MYO16: variants seen among roughly 807,000 people sequenced by gnomAD.
The protein encoded by MYO16 is unconventional myosin-XVI.
MYO16 carries 94 observed loss-of-function variants against 205.3 expected under a neutral mutation model. The observed-to-expected ratio is 0.46, with a 90% confidence interval of 0.39 to 0.54. The LOEUF is 0.54. Ranked by LOEUF, MYO16 falls within the 20% of genes least tolerant of loss-of-function variation. The pLI is 0.00. For synonymous variants in MYO16, 988 were observed against 954.0 expected (o/e 1.04, Z -0.66); for missense variants, 2,315 against 2,387.5 (o/e 0.97, Z 0.63).
At chr13:108,941,657 A>ACAGAG (rs1882727503) in intron 16 of MYO16, among the ~76,000 whole-genome samples, 3 of 148,246 alleles carry the variant, frequency 2.0e-5, no homozygotes, top group African/African-American at 7.6e-5. Flanking sequence ...AGCCTAGGCG[A>ACAGAG]CAGAGCAAGA....
chr13:109,140,148 G>C lies in MYO16; in HGVS notation c.4052-116G>C. 1 of 1,488,240 alleles carries C rather than the reference G, an allele frequency of 6.7e-7. No homozygotes were observed. The highest frequency in any genetic ancestry group is 8.9e-7 in the Non-Finnish European group (1 of 1,129,624). 92.2% of individuals were successfully genotyped at this position (1,488,240 alleles called of 1,614,324 possible). On this transcript the variant is annotated intron_variant, in intron 31 of 34. Transcript: ENST00000457511. This position sits in a 1 kb window ranked among gnomAD's most constrained non-coding sequence, Gnocchi z 8.0. The stretch of plus-strand genomic sequence containing the variant: ...GTGGGTGGAGGAACATGCAGGCCCG[G>C]TCCCTTGGGATTCTCGGGGCACGGG...
intron 1 of MYO16, among the ~76,000 whole-genome samples, chr13:108,640,687 A>C (rs1158476356): frequency 6.6e-6 from 1 of 152,032 alleles, no homozygotes; most frequent in Non-Finnish European, 1.5e-5. Context: ...GTATTTACAG[A>C]GTGAACCAAA....
At chr13:108,942,081 TC>T (rs1194642360) in intron 16 of MYO16, among the ~76,000 whole-genome samples, 6 of 152,320 alleles carry the variant, frequency 3.9e-5, no homozygotes, top group African/African-American at 1.4e-4. Flanking sequence ...ATTCTGCACT[TC>T]CAGAGAATAC....
chr13:108,561,387 C>T, the MYO16 span, among the ~76,000 whole-genome samples: 1 of 152,226 alleles, frequency 6.6e-6, no homozygotes, highest in South Asian at 2.1e-4. Flanking sequence ...CAGATCCTGG[C>T]AAAACCCTTG....
the MYO16 span, among the ~76,000 whole-genome samples, chr13:108,586,020 C>A: frequency 6.6e-6 from 1 of 151,968 alleles, no homozygotes; most frequent in South Asian, 2.1e-4. Context: ...AATAAGTTAC[C>A]ATATAAATGT....
chr13:109,040,381 CACACAG>C (rs1886843778), intron 23 of MYO16, among the ~76,000 whole-genome samples: 2 of 72,478 alleles, frequency 2.8e-5, no homozygotes, highest in Non-Finnish European at 5.5e-5. Flanking sequence ...CACACACACA[CACACAG>C]AGAGAGAGAG....
At chr13:108,932,582 C>T (rs2139294369) in intron 16 of MYO16, among the ~76,000 whole-genome samples, 3 of 152,282 alleles carry the variant, frequency 2.0e-5, no homozygotes, top group African/African-American at 7.2e-5. Flanking sequence ...TATGTTGAAA[C>T]CTCTCAAACC....
chr13:108,888,876 G>A (rs1037683902), intron 14 of MYO16, among the ~76,000 whole-genome samples: 1 of 152,032 alleles, frequency 6.6e-6, no homozygotes, highest in Non-Finnish European at 1.5e-5. Flanking sequence ...CCAACATTGT[G>A]AAACCTCGTC....
At chr13:108,615,628 A>G (rs980804340) in intron 1 of MYO16, among the ~76,000 whole-genome samples, 2 of 152,172 alleles carry the variant, frequency 1.3e-5, no homozygotes, top group Admixed American at 6.5e-5. Context: ...ATAAAAAGGA[A>G]GGACATATTG....
chr13:109,047,923 T>G (rs541166060), intron 24 of MYO16, among the ~76,000 whole-genome samples: 1 of 152,206 alleles, frequency 6.6e-6, no homozygotes, highest in South Asian at 2.1e-4. Flanking sequence ...AGAACTTATG[T>G]TTATTGTGAG....
At chr13:108,695,198 A>G (rs1883043610) in intron 2 of MYO16, among the ~76,000 whole-genome samples, 1 of 152,200 alleles carries the variant, frequency 6.6e-6, no homozygotes, top group African/African-American at 2.4e-5. Flanking sequence ...TTAGTTTTAT[A>G]TATGTTGTGA....
chr13:108,579,906 G>A, the MYO16 span, among the ~76,000 whole-genome samples: 1 of 152,262 alleles, frequency 6.6e-6, no homozygotes, highest in South Asian at 2.1e-4. Context: ...TACAATGACT[G>A]CTATTTGTTA....
At chr13:109,185,441 G>A (rs7324789) in intron 34 of MYO16, among the ~76,000 whole-genome samples, 76,196 of 151,788 alleles carry the variant, frequency 0.5, 20,057 homozygotes, top group African/African-American at 0.64. Context: ...TGTTATTATG[G>A]TATTCCTTTC....
rs534908924 is a variant in MYO16 at position 109,127,210 on chromosome 13, G to T, written c.3783-72G>T. The T allele has an allele frequency of 6.7e-7, 1 of 1,487,302 alleles. No homozygotes were observed. Among genetic ancestry groups the T allele is most frequent in the Non-Finnish European group, 9.0e-7 (1 of 1,116,120 alleles). 92.1% of individuals were successfully genotyped at this position (1,487,302 alleles called of 1,614,324 possible). On this transcript the variant is annotated intron_variant, in intron 30 of 34. Coordinates refer to ENST00000457511, the MANE Select transcript of MYO16 (RefSeq NM_001198950.3). This position sits in a 1 kb window ranked among gnomAD's most constrained non-coding sequence, Gnocchi z 4.2. ...GCCGTCATTATGTCTGCTTGAGCAG[G>T]TTCCTTGTTACCGGAATAATGCATC...
intron 33 of MYO16, among the ~76,000 whole-genome samples, chr13:109,171,916 TC>T (rs1422425253): frequency 6.6e-6 from 1 of 152,218 alleles, no homozygotes; most frequent in Non-Finnish European, 1.5e-5. Context: ...ATTATGTTCA[TC>T]CTCAATGCAC....
At chr13:108,620,701 G>A (rs1879507916) in intron 1 of MYO16, among the ~76,000 whole-genome samples, 1 of 152,222 alleles carries the variant, frequency 6.6e-6, no homozygotes. Context: ...ATGATGGGAT[G>A]TGCTGTCCAC....
At chr13:109,097,188 G>A (rs1210749454) in intron 27 of MYO16, among the ~76,000 whole-genome samples, 1 of 152,178 alleles carries the variant, frequency 6.6e-6, no homozygotes, top group African/African-American at 2.4e-5. Flanking sequence ...AATTAGTTGG[G>A]CGTGGTGGCG....
chr13:108,510,476 T>TTG, the MYO16 span, among the ~76,000 whole-genome samples: 3 of 133,302 alleles, frequency 2.3e-5, no homozygotes, highest in African/African-American at 8.6e-5. Flanking sequence ...TTTTTTTTTT[T>TTG]TTTTTTTTTA....
the MYO16 span, among the ~76,000 whole-genome samples, chr13:108,520,968 C>T: frequency 6.6e-6 from 1 of 152,076 alleles, no homozygotes; most frequent in Non-Finnish European, 1.5e-5. Flanking sequence ...CCTCCCACGT[C>T]CCCATCTCTC....
Sources: allele counts gnomAD v4.1 joint callset (sites outside exome capture counted in the v4.1 genomes callset), GRCh38; gene constraint gnomAD v4.1.1; non-coding constraint Gnocchi (gnomAD v3.1); transcripts MANE v1.5; gene names NCBI Gene and HGNC (gene_info 2026-07-23, HGNC 2026-07-21).